The following SULT2B1 variants were observed in gnomAD, a reference collection of about 807,000 sequenced individuals.
SULT2B1 encodes sulfotransferase family 2B member 1, also known as sulfotransferase 2B1.
Under a neutral mutation model 33.2 loss-of-function variants are expected in SULT2B1, and 16 were observed. That is an observed-to-expected ratio of 0.48 (90% CI 0.33 to 0.73). The LOEUF (loss-of-function observed/expected upper bound fraction) is 0.73. Among genes scored for constraint, SULT2B1 ranks in the 30% least tolerant of loss-of-function variants. The pLI is 0.02. For missense variants in SULT2B1, 500 were observed against 506.0 expected (o/e 0.99, Z 0.11); for synonymous variants, 186 against 200.5 (o/e 0.93, Z 0.61).
chr19:48,554,239 T>TC (rs1454453697), intron 1 of SULT2B1, among the ~76,000 whole-genome samples: 1 of 147,000 alleles, frequency 6.8e-6, no homozygotes, highest in East Asian at 2.0e-4. Context: ...TGCTGGAGCA[T>TC]CCCCCTGGGG....
At chr19:48,570,367 C>T (rs1170142874) in intron 1 of SULT2B1, among the ~76,000 whole-genome samples, 10 of 151,246 alleles carry the variant, frequency 6.6e-5, no homozygotes, top group East Asian at 4.0e-4. Flanking sequence ...TTATTAGAGA[C>T]GGGGTTTCGC....
At chr19:48,578,930 G>C (rs575508877) in intron 2 of SULT2B1, among the ~76,000 whole-genome samples, 59 of 151,964 alleles carry the variant, frequency 3.9e-4, no homozygotes, top group Non-Finnish European at 7.1e-4. Context: ...CATCCAACAA[G>C]AAACTCTGGA....
At position 48,582,934 on chromosome 19, in the gene SULT2B1, C is replaced by A. The variant is rs537648061; in HGVS notation, c.215-4295C>A. On this transcript the variant is annotated intron_variant, in intron 2 of 6. Transcript: ENST00000201586. ...TTGGGAGGCCAAGGCAAGTGGATAG[C>A]TTAAGCCCAGGAGTTCAAGACCAGC... Among the ~76,000 whole-genome samples the A allele has an allele frequency of 1.8e-4, 27 of 149,010 alleles. No individual in the cohort carries two copies. The South Asian group carries it at 5.4e-3, about 30-fold the overall frequency.
intron 5 of SULT2B1, among the ~76,000 whole-genome samples, chr19:48,595,627 C>G (rs1457267031): frequency 1.3e-5 from 2 of 149,108 alleles, no homozygotes; most frequent in African/African-American, 4.9e-5. Context: ...ATTGGAAGAG[C>G]TGTGACCAGA....
chr19:48,595,148 G>A (rs1973693693), intron 5 of SULT2B1, among the ~76,000 whole-genome samples: 2 of 152,134 alleles, frequency 1.3e-5, no homozygotes, highest in Non-Finnish European at 2.9e-5. Flanking sequence ...CAGGCGTGGT[G>A]GCACATGCCT....
At chr19:48,560,100 C>T (rs112310330) in intron 1 of SULT2B1, among the ~76,000 whole-genome samples, 6 of 152,162 alleles carry the variant, frequency 3.9e-5, no homozygotes, top group South Asian at 2.1e-4. Flanking sequence ...GTCTGTGAAA[C>T]GGGCAATGAC....
chr19:48,589,405 C>T (rs552942249), intron 3 of SULT2B1, among the ~76,000 whole-genome samples: 3 of 152,130 alleles, frequency 2.0e-5, no homozygotes, highest in Non-Finnish European at 4.4e-5. Context: ...CACAGAAATG[C>T]ACCCATCGGG....
chr19:48,560,579 T>TA (rs35221052), intron 1 of SULT2B1, among the ~76,000 whole-genome samples: 10,033 of 151,902 alleles, frequency 0.066, 670 homozygotes, highest in African/African-American at 0.17. Context: ...GCCACCTTTT[T>TA]AAAAAAACAA....
Position 48,596,806 on chromosome 19 carries a change from G to A in SULT2B1, c.713G>A (p.Gly238Asp), listed in dbSNP as rs757800349. ...LGRPLGKEAL[G>D]SVVAHSTFSA... ...CGTCCGCTGGGCAAGGAGGCACTGG[G>A]CTCCGTCGTGGCACACTCAACCTTC... The change falls in exon 6 of 7, where the codon GGC (glycine) becomes GAC (aspartate). Residue 238 changes from glycine to aspartate, a missense_variant. Physicochemically the swap from Gly to Asp is moderately conservative, Grantham distance 94. Transcript: ENST00000201586. The A allele has an allele frequency of 1.1e-5, 18 of 1,609,718 alleles. No individual in the cohort carries two copies. The highest frequency in any genetic ancestry group is 1.7e-4 in the Middle Eastern group (1 of 5,984).
chr19:48,576,053 G>A lies in SULT2B1; in HGVS notation c.184G>A (p.Asp62Asn), dbSNP rs750329743. 1.2e-6 allele frequency: 2 copies of A among 1,613,176 alleles called. No individual in the cohort carries two copies. Among genetic ancestry groups the A allele is most frequent in the Non-Finnish European group, 1.7e-6 (2 of 1,179,710 alleles). Residue 62 changes from aspartate to asparagine, a missense_variant, in exon 2 of 7, where the codon GAC (aspartate) becomes AAC (asparagine). Asp to Asn is a conservative substitution (Grantham distance 23). Transcript: ENST00000201586. ...GAACACCCAAGATGTGCGGGACGAC[G>A]ACATCTTTATCATCACCTACCCCAA... ...AENTQDVRDD[D>N]IFIITYPKSG... is the part of the protein sequence containing the mutation.
At chr19:48,597,676 T>G (rs1198099110) in intron 6 of SULT2B1, among the ~76,000 whole-genome samples, 2 of 71,392 alleles carry the variant, frequency 2.8e-5, no homozygotes, top group African/African-American at 1.1e-4. Context: ...GGAGTTTCAC[T>G]CTTGTTGCCC....
At chr19:48,589,090 C>G (rs1245098674) in intron 3 of SULT2B1, among the ~76,000 whole-genome samples, 2 of 152,198 alleles carry the variant, frequency 1.3e-5, no homozygotes, top group Non-Finnish European at 2.9e-5. Flanking sequence ...TGGGGACCGA[C>G]TGTCGAGAGA....
chr19:48,587,344 C>G lies in SULT2B1; in HGVS notation c.330C>G (p.Ala110=). 6.2e-7 allele frequency: 1 copy of G among 1,614,048 alleles called. No homozygotes were observed. Among genetic ancestry groups the G allele is most frequent in the Non-Finnish European group, 8.5e-7 (1 of 1,180,014 alleles). The change falls in exon 3 of 7, where the codon GCC becomes GCG. Residue 110 remains alanine, a synonymous_variant. Transcript: ENST00000201586. ...RAPWCETIVG[A]FSLPDQYSPR... ...CCTGGTGTGAGACCATTGTGGGTGCCTTCAGCCTCCCGGACCAGTACAGCC... is the reference window on the plus strand; with the variant it reads ...CCTGGTGTGAGACCATTGTGGGTGCGTTCAGCCTCCCGGACCAGTACAGCC...
chr19:48,559,084 A>G (rs1017805753), intron 1 of SULT2B1, among the ~76,000 whole-genome samples: 6 of 152,046 alleles, frequency 3.9e-5, no homozygotes, highest in Non-Finnish European at 8.8e-5. Context: ...GGGCAGGCAG[A>G]CTAGGGAGAG....
chr19:48,589,887 G>A (rs111349247), intron 3 of SULT2B1, among the ~76,000 whole-genome samples: 1 of 152,240 alleles, frequency 6.6e-6, no homozygotes, highest in Non-Finnish European at 1.5e-5. Context: ...TTGAGCCTGG[G>A]AGTTTCAGGC....
intron 2 of SULT2B1, among the ~76,000 whole-genome samples, chr19:48,585,048 CAAAAAAAAAA>C (rs57540837): frequency 1.6e-5 from 1 of 62,246 alleles, no homozygotes; most frequent in Non-Finnish European, 2.7e-5. Context: ...GACTCCTTCT[CAAAAAAAAAA>C]AAAAAAAAAA....
intron 5 of SULT2B1, 163 bp from the exon 6 acceptor site, chr19:48,596,576 C>A (rs927336276): frequency 5.6e-6 from 4 of 714,902 alleles, no homozygotes; most frequent in Non-Finnish European, 9.0e-6. Flanking sequence ...CCCTTAGAGG[C>A]GATATAGCCC....
intron 2 of SULT2B1, among the ~76,000 whole-genome samples, chr19:48,581,886 TATTATATTA>T (rs1367425268): frequency 4.7e-5 from 5 of 107,514 alleles, no homozygotes; most frequent in African/African-American, 1.6e-4. Context: ...TTATTATTAT[TATTATATTA>T]TTATTATTAT....
At chr19:48,565,365 TGA>T (rs775030717) in intron 1 of SULT2B1, among the ~76,000 whole-genome samples, 6 of 151,688 alleles carry the variant, frequency 4.0e-5, no homozygotes, top group South Asian at 2.1e-4. Flanking sequence ...TGTGTATGTG[TGA>T]GAGAGAGAGA....
Sources: allele counts gnomAD v4.1 joint callset (sites outside exome capture counted in the v4.1 genomes callset), GRCh38; gene constraint gnomAD v4.1.1; transcripts MANE v1.5; gene names NCBI Gene and HGNC (gene_info 2026-07-23, HGNC 2026-07-21).